Variants in DCAF11 observed in about 807,000 individuals in gnomAD.
The protein encoded by DCAF11 is DDB1 and CUL4 associated factor 11.
DCAF11 carries 44 observed loss-of-function variants against 76.1 expected under a neutral mutation model. The observed-to-expected ratio is 0.58, with a 90% CI of 0.45 to 0.74. The LOEUF (loss-of-function observed/expected upper bound fraction) is 0.74. Among genes scored for constraint, DCAF11 ranks in the 30% least tolerant of loss-of-function variants. DCAF11 has a pLI of 0.00. For synonymous variants in DCAF11, 258 were observed against 255.0 expected, an observed-to-expected ratio of 1.01 and a Z score of -0.11; for missense variants, 604 against 709.4, an observed-to-expected ratio of 0.85 and a Z score of 1.69.
intron 2 of DCAF11, 68 bp from the exon 3 acceptor site, chr14:24,116,849 C>A: frequency 6.2e-7 from 1 of 1,607,896 alleles, no homozygotes; most frequent in Non-Finnish European, 8.5e-7. Flanking sequence ...GCTAGATAGC[C>A]ATTGACTCTG....
chr14:24,120,489 G>A (rs2037670057), intron 11 of DCAF11, among the ~76,000 whole-genome samples: 3 of 151,898 alleles, frequency 2.0e-5, no homozygotes, highest in Admixed American at 1.3e-4. Context: ...CCCGGGAGGC[G>A]GAGCTTGCAG....
chr14:24,121,228 T>C lies in DCAF11; in HGVS notation c.1247-137T>C. 6.5e-6 allele frequency: 8 copies of C among 1,237,478 alleles called. No homozygotes were observed. In the South Asian group the frequency reaches 1.1e-4, roughly 17 times the overall value. 76.7% of individuals were successfully genotyped at this position (1,237,478 alleles called of 1,614,324 possible). On this transcript the variant is annotated intron_variant, in intron 12 of 14. Transcript: ENST00000446197. ...ATATTGGAGACTGTCCACTGACTAT[T>C]AGGTGGAGAAAGAGCCACCACTTGA... is the stretch of plus-strand genomic sequence containing the variant.
At chr14:24,115,344 G>A (rs1160098478) in intron 1 of DCAF11, 38 bp from the exon 2 acceptor site, 7 of 396,742 alleles carry the variant, frequency 1.8e-5, no homozygotes, top group Non-Finnish European at 2.2e-5. Flanking sequence ...AGCTAGGGTA[G>A]CGCACTACGG....
Position 24,117,130 on chromosome 14 carries a change from G to A in DCAF11, c.283+86G>A. On this transcript the variant is annotated intron_variant, in intron 3 of 14. Coordinates refer to ENST00000446197, the MANE Select transcript of DCAF11 (RefSeq NM_025230.5). This position sits in a 1 kb window ranked among gnomAD's most constrained non-coding sequence, Gnocchi z 4.3. Reference sequence around the variant, plus strand: ...TGAATGATAGGTTACATTGAAAGAAGGTACGATAATTTAAGGAATAAGGAG... The same window carrying A: ...TGAATGATAGGTTACATTGAAAGAAAGTACGATAATTTAAGGAATAAGGAG... 2 of 1,609,180 alleles carry A rather than the reference G, an allele frequency of 1.2e-6. No individual in the cohort carries two copies. Among genetic ancestry groups the A allele is most frequent in the South Asian group, 1.1e-5 (1 of 90,608 alleles).
At chr14:24,116,112 T>TG (rs2037555397) in intron 2 of DCAF11, among the ~76,000 whole-genome samples, 1 of 152,020 alleles carries the variant, frequency 6.6e-6, no homozygotes, top group African/African-American at 2.4e-5. Flanking sequence ...AAGGGAGTGT[T>TG]GAACTTTTTA....
rs2037512290 is a variant in DCAF11, at chr14:24,115,067, T to C, written c.-440T>C. On this transcript the variant is annotated 5_prime_UTR_variant, in exon 1 of 15. Transcript: ENST00000446197. The stretch of plus-strand genomic sequence containing the variant: ...AGGGGTGTTAGGCCAAATTCTATTT[T>C]CATTGGCTGTCACTGCTGCCGGCCT... The C allele has an allele frequency of 1.0e-6, 1 of 969,776 alleles. No individual in the cohort carries two copies. Among genetic ancestry groups the C allele is most frequent in the Non-Finnish European group, 1.2e-6 (1 of 815,380 alleles). The allele number at this position is 969,776 out of a possible 1,614,324, so 60.1% of individuals were successfully genotyped here.
rs773382441 is a variant in DCAF11, at chr14:24,120,955, A to C, written c.1210A>C (p.Asn404His). The change falls in exon 12 of 15, where the codon AAC becomes CAC. Residue 404 changes from asparagine (N) to histidine (H), a missense_variant. Transcript: ENST00000446197. ...TTCACGCCAGGCTGCCACACAGCAA[A>C]ACTGGGACTATCGGTGGCAGCAAGT... is the stretch of plus-strand genomic sequence containing the variant. ...EASRQAATQQ[N>H]WDYRWQQVPK... 1 of 1,614,072 alleles carries C rather than the reference A, an allele frequency of 6.2e-7. No homozygotes were observed. Among genetic ancestry groups the C allele is most frequent in the Non-Finnish European group, 8.5e-7 (1 of 1,180,026 alleles).
In DCAF11 at chr14:24,123,439, T is replaced by C; in HGVS notation, c.*130T>C. 2.2e-6 allele frequency: 3 copies of C among 1,367,568 alleles called. No homozygotes were observed. The highest frequency in any genetic ancestry group is 2.9e-6 in the Non-Finnish European group (3 of 1,042,530). The allele number at this position is 1,367,568 out of a possible 1,614,324, so 84.7% of individuals were successfully genotyped here. A position where few individuals can be genotyped will look rare whatever the true frequency, so the allele number is the denominator to read the frequency against. Reference sequence around the variant, plus strand: ...TGGGGAATAACATAAGCCTGGGCTCTGAGCCTCAGCTGAGCCCTGGAAGAT... The same window carrying C: ...TGGGGAATAACATAAGCCTGGGCTCCGAGCCTCAGCTGAGCCCTGGAAGAT... On this transcript the variant is annotated 3_prime_UTR_variant, in exon 15 of 15. Coordinates refer to ENST00000446197, the MANE Select transcript of DCAF11 (RefSeq NM_025230.5).
In DCAF11 at chr14:24,123,247, G is replaced by A; in HGVS notation, c.1579G>A (p.Glu527Lys). 6.4e-7 allele frequency: 1 copy of A among 1,569,044 alleles called. No homozygotes were observed. Among genetic ancestry groups the A allele is most frequent in the Non-Finnish European group, 8.7e-7 (1 of 1,155,938 alleles). Residue 527 changes from glutamate (E) to lysine (K), a missense_variant, in exon 15 of 15, where the codon GAA (glutamate) becomes AAA (lysine). Physicochemically the swap from Glu to Lys is moderately conservative, Grantham distance 56 (BLOSUM62 1). Transcript: ENST00000446197. ...YFQDDMPESE[E>K]CASAPAPVPQ... ...CCAGGATGACATGCCAGAATCTGAGGAATGTGCCAGCGCCCCTGCCCCAGT... is the reference window on the plus strand; with the variant it reads ...CCAGGATGACATGCCAGAATCTGAGAAATGTGCCAGCGCCCCTGCCCCAGT...
rs760474950 is a variant in DCAF11 at position 24,115,555 on chromosome 14, G to C, written c.-40G>C. Reference sequence around the variant, plus strand: ...CACCAAACCCAAGGAGGTGACAGGAGGAGCCCCCGCACAGGACCTAAGAAT... The same window carrying C: ...CACCAAACCCAAGGAGGTGACAGGACGAGCCCCCGCACAGGACCTAAGAAT... On this transcript the variant is annotated 5_prime_UTR_variant, in exon 2 of 15. Coordinates refer to ENST00000446197, the MANE Select transcript of DCAF11 (RefSeq NM_025230.5). 1 of 1,574,050 alleles carries C rather than the reference G, an allele frequency of 6.4e-7. No individual in the cohort carries two copies. Among genetic ancestry groups the C allele is most frequent in the East Asian group, 2.3e-5 (1 of 44,138 alleles).
In DCAF11 at chr14:24,115,665, G is replaced by A; in HGVS notation, c.71G>A (p.Gly24Glu). 6.2e-7 allele frequency: 1 copy of A among 1,613,862 alleles called. No homozygotes were observed. The highest frequency in any genetic ancestry group is 8.5e-7 in the Non-Finnish European group (1 of 1,179,980). Residue 24 changes from glycine to glutamate, a missense_variant, in exon 2 of 15, where the codon GGG becomes GAG. Coordinates refer to ENST00000446197, the MANE Select transcript of DCAF11 (RefSeq NM_025230.5). The stretch of plus-strand genomic sequence containing the variant: ...CCCTCCGAGGGCTTGCCCCGAAGAG[G>A]GGCTGGCCTGCGTCGGAGTGAGGAA... ...GDPSEGLPRR[G>E]AGLRRSEEEE...
Position 24,117,427 on chromosome 14 carries a change from C to G in DCAF11, c.411+34C>G, listed in dbSNP as rs1452008634. On this transcript the variant is annotated intron_variant, in intron 4 of 14. Coordinates refer to ENST00000446197, the MANE Select transcript of DCAF11 (RefSeq NM_025230.5). This position sits in a 1 kb window ranked among gnomAD's most constrained non-coding sequence, Gnocchi z 4.3. ...CTCCACCTCCCAGCCTGGCAGCAGG[C>G]CTGCCAAAGCAGCCAGAAGCTCTGC... 6.2e-7 allele frequency: 1 copy of G among 1,611,406 alleles called. No individual in the cohort carries two copies. The highest frequency in any genetic ancestry group is 8.5e-7 in the Non-Finnish European group (1 of 1,178,472).
At chr14:24,116,191 C>T (rs2037558425) in intron 2 of DCAF11, among the ~76,000 whole-genome samples, 1 of 152,206 alleles carries the variant, frequency 6.6e-6, no homozygotes. Context: ...TTTGCCCTGA[C>T]TCTAACCTGT....
chr14:24,118,093 C>T lies in DCAF11; in HGVS notation c.515C>T (p.Ser172Phe). 1 of 1,612,868 alleles carries T rather than the reference C, an allele frequency of 6.2e-7. No homozygotes were observed. ...GATCTGGGCTTCACTGATAGCTACT[C>T]TCAGAAGGCTTTCTGTGGCATCTAC... is the stretch of plus-strand genomic sequence containing the variant. ...PNDLGFTDSY[S>F]QKAFCGIYSK... The change falls in exon 6 of 15, where the codon TCT (serine) becomes TTT (phenylalanine). Residue 172 changes from serine (S) to phenylalanine (F), a missense_variant. By Grantham distance (155) the Ser-to-Phe change is radical. Coordinates refer to ENST00000446197, the MANE Select transcript of DCAF11 (RefSeq NM_025230.5).
At chr14:24,119,446 G>T in intron 9 of DCAF11, 113 bp from the exon 10 acceptor site, 1 of 1,396,602 alleles carries the variant, frequency 7.2e-7, no homozygotes, top group Non-Finnish European at 1.0e-6. Context: ...TGTATAAAAA[G>T]AGCAAAGGGC....
At chr14:24,119,966 G>T in intron 11 of DCAF11, 70 bp downstream of exon 11, 2 of 1,476,990 alleles carry the variant, frequency 1.4e-6, no homozygotes, top group Non-Finnish European at 1.8e-6. Flanking sequence ...CATGAAAGCG[G>T]ACTGGTGTGG....
chr14:24,116,091 G>A (rs915441047), intron 2 of DCAF11, among the ~76,000 whole-genome samples: 2 of 151,458 alleles, frequency 1.3e-5, no homozygotes, highest in Non-Finnish European at 2.9e-5. Flanking sequence ...TGTAAGGGGT[G>A]AAGAGATGGG....
intron 7 of DCAF11, 30 bp from the exon 8 acceptor site, chr14:24,118,720 A>G: frequency 1.9e-6 from 3 of 1,612,970 alleles, no homozygotes; most frequent in Non-Finnish European, 2.5e-6. Flanking sequence ...CCCATCCCTG[A>G]AAGATTCTTG....
chr14:24,123,267 C>T lies in DCAF11; in HGVS notation c.1599C>T (p.Ala533=), dbSNP rs768375257. The change falls in exon 15 of 15, where the codon GCC becomes GCT. Residue 533 remains alanine (A), a synonymous_variant. Transcript: ENST00000446197. Reference sequence around the variant, plus strand: ...CTGAGGAATGTGCCAGCGCCCCTGCCCCAGTGCCCCAATCCTCTACACCCT... The same window carrying T: ...CTGAGGAATGTGCCAGCGCCCCTGCTCCAGTGCCCCAATCCTCTACACCCT... ...PESEECASAP[A]PVPQSSTPFS... 1.3e-6 allele frequency: 2 copies of T among 1,560,268 alleles called. No homozygotes were observed. Among genetic ancestry groups the T allele is most frequent in the Non-Finnish European group, 8.7e-7 (1 of 1,151,728 alleles).
Sources: allele counts gnomAD v4.1 joint callset (sites outside exome capture counted in the v4.1 genomes callset), GRCh38; gene constraint gnomAD v4.1.1; non-coding constraint Gnocchi (gnomAD v3.1); transcripts MANE v1.5; gene names NCBI Gene and HGNC (gene_info 2026-07-23, HGNC 2026-07-21).